HSPA4: variants seen among roughly 807,000 people sequenced by gnomAD.
HSPA4 encodes heat shock protein family A (Hsp70) member 4.
A neutral mutation model predicts 106.2 loss-of-function variants in HSPA4; 25 were observed. That is an observed-to-expected ratio of 0.24 (90% confidence interval 0.17 to 0.33). HSPA4 has a LOEUF of 0.33. Among genes scored for constraint, HSPA4 ranks in the 10% least tolerant of loss-of-function variants. The pLI is 1.00. For synonymous variants in HSPA4, 332 were observed against 333.6 expected (o/e 1.00, Z 0.05); for missense variants, 841 against 996.0 (o/e 0.84, Z 2.10).
intron 14 of HSPA4, among the ~76,000 whole-genome samples, chr5:133,096,873 C>G (rs1765719057): frequency 6.6e-6 from 1 of 152,176 alleles, no homozygotes; most frequent in Non-Finnish European, 1.5e-5. Context: ...CACTTAGTGA[C>G]ATTGAACCAA....
chr5:133,083,974 T>C (rs961417711), intron 7 of HSPA4, among the ~76,000 whole-genome samples: 26 of 152,256 alleles, frequency 1.7e-4, no homozygotes, highest in Non-Finnish European at 2.9e-5. Context: ...ATTCATTGTT[T>C]TTTGGATATA....
At position 133,097,164 on chromosome 5, in the gene HSPA4, A is replaced by G. The variant is rs1171142646; in HGVS notation, c.1807A>G (p.Lys603Glu). 8.1e-6 allele frequency: 13 copies of G among 1,607,546 alleles called. No homozygotes were observed. Among genetic ancestry groups the G allele is most frequent in the Non-Finnish European group, 1.1e-5 (13 of 1,174,572 alleles). The change falls in exon 15 of 19, where the codon AAG becomes GAG. Residue 603 changes from lysine (K) to glutamate (E), a missense_variant. Lys to Glu is a moderately conservative substitution (Grantham distance 56). Coordinates refer to ENST00000304858, the MANE Select transcript of HSPA4 (RefSeq NM_002154.4). ...TATACATAATATTTATTCTCAGGGT[A>G]AGATGATCATGCAGGATAAACTGGA... is the stretch of plus-strand genomic sequence containing the variant. Reference protein sequence around the residue: ...MLNLYIENEGKMIMQDKLEKE... With the variant: ...MLNLYIENEGEMIMQDKLEKE...
chr5:133,088,825 T>C (rs1765610534), intron 9 of HSPA4, among the ~76,000 whole-genome samples: 1 of 152,222 alleles, frequency 6.6e-6, no homozygotes, highest in South Asian at 2.1e-4. Flanking sequence ...TGAAATAGTG[T>C]ACATTAATTA....
At chr5:133,076,557 C>T (rs1419902335) in intron 6 of HSPA4, 97 bp from the exon 7 acceptor site, 4 of 1,063,336 alleles carry the variant, frequency 3.8e-6, no homozygotes, top group Admixed American at 2.5e-5. Flanking sequence ...AACCCTCCCT[C>T]TTTTTTTTTA....
At chr5:133,055,994 C>G (rs1006246348) in intron 1 of HSPA4, among the ~76,000 whole-genome samples, 1 of 152,170 alleles carries the variant, frequency 6.6e-6, no homozygotes, top group South Asian at 2.1e-4. Flanking sequence ...AGAAGAATCG[C>G]TTGAACCTGG....
At chr5:133,089,761 C>G in intron 11 of HSPA4, 66 bp downstream of exon 11, 1 of 1,290,752 alleles carries the variant, frequency 7.7e-7, no homozygotes, top group Non-Finnish European at 1.1e-6. Context: ...CAACTGTAAT[C>G]CCAACACTTT....
rs1021851547 is a variant in HSPA4 at position 133,106,316 on chromosome 5, G to A, written c.*1880G>A. ...TAATTGATGGCTTGTGTACAGACAAGCATTTATCCAGGTTGCGTTATCCAA... is the reference window on the plus strand; with the variant it reads ...TAATTGATGGCTTGTGTACAGACAAACATTTATCCAGGTTGCGTTATCCAA... On this transcript the variant is annotated 3_prime_UTR_variant, in exon 19 of 19. Transcript: ENST00000304858. The A allele has an allele frequency of 6.6e-6, 1 of 151,264 alleles. No homozygotes were observed. Among genetic ancestry groups the A allele is most frequent in the African/African-American group, 2.4e-5 (1 of 41,152 alleles). The allele number at this position is 151,264 out of a possible 1,614,324, so 9.4% of individuals were successfully genotyped here. A position where few individuals can be genotyped will look rare whatever the true frequency, so the allele number is the denominator to read the frequency against.
rs758856884 is a variant in HSPA4, at chr5:133,092,823, T to C, written c.1650+34T>C. The C allele has an allele frequency of 7.2e-3, 8,845 of 1,226,292 alleles. 140 individuals are homozygous for C. Among genetic ancestry groups the C allele is most frequent in the South Asian group, 0.017 (1,194 of 72,112 alleles). The allele number at this position is 1,226,292 out of a possible 1,614,324, so 76.0% of individuals were successfully genotyped here. A position where few individuals can be genotyped will look rare whatever the true frequency, so the allele number is the denominator to read the frequency against. On this transcript the variant is annotated intron_variant, in intron 13 of 18. Coordinates refer to ENST00000304858, the MANE Select transcript of HSPA4 (RefSeq NM_002154.4). ...TGGGTGGTGTTTTTTTTTTTTTTTTTTTTTTTTTTTTTTTTGAGACAGAGT... is the reference window on the plus strand; with the variant it reads ...TGGGTGGTGTTTTTTTTTTTTTTTTCTTTTTTTTTTTTTTTGAGACAGAGT...
chr5:133,076,918 G>T lies in HSPA4; in HGVS notation c.908+20G>T. The T allele has an allele frequency of 6.4e-7, 1 of 1,574,762 alleles. No individual in the cohort carries two copies. The highest frequency in any genetic ancestry group is 8.7e-7 in the Non-Finnish European group (1 of 1,148,774). On this transcript the variant is annotated intron_variant, in intron 7 of 18. Coordinates refer to ENST00000304858, the MANE Select transcript of HSPA4 (RefSeq NM_002154.4). ...GAATAGGTAAGTATATTACTATTTC[G>T]ATGTTAAAGTGAAGAGTGAGTTTTC... is the stretch of plus-strand genomic sequence containing the variant.
chr5:133,063,857 G>A (rs929987058), intron 1 of HSPA4, among the ~76,000 whole-genome samples: 26 of 152,102 alleles, frequency 1.7e-4, no homozygotes, highest in African/African-American at 6.0e-4. Flanking sequence ...CGACTCCTTG[G>A]TTCAAGCAAT....
intron 16 of HSPA4, among the ~76,000 whole-genome samples, chr5:133,100,755 C>G (rs1765774985): frequency 6.6e-6 from 1 of 152,170 alleles, no homozygotes; most frequent in South Asian, 2.1e-4. Flanking sequence ...TGCAGATGCA[C>G]AAGAATGAAC....
chr5:133,079,214 GT>G, intron 7 of HSPA4, among the ~76,000 whole-genome samples: 1 of 152,202 alleles, frequency 6.6e-6, no homozygotes. Context: ...TCACAGGGTT[GT>G]GCAATGGCCA....
At chr5:133,065,813 G>C (rs1297126031) in intron 2 of HSPA4, among the ~76,000 whole-genome samples, 2 of 152,166 alleles carry the variant, frequency 1.3e-5, no homozygotes, top group South Asian at 4.1e-4. Context: ...TGAATAACCA[G>C]AGCAGCAGAA....
chr5:133,074,727 A>C (rs1169690847), intron 6 of HSPA4, among the ~76,000 whole-genome samples: 3 of 152,196 alleles, frequency 2.0e-5, no homozygotes, highest in African/African-American at 7.2e-5. Context: ...ACTAGGAATT[A>C]TAGATTTCTA....
intron 1 of HSPA4, among the ~76,000 whole-genome samples, chr5:133,061,547 TA>T (rs1230012360): frequency 6.6e-6 from 1 of 152,216 alleles, no homozygotes; most frequent in Non-Finnish European, 1.5e-5. Context: ...TTAGTATTGA[TA>T]ATGTAATTCG....
At chr5:133,084,763 C>T (rs1219704939) in intron 7 of HSPA4, among the ~76,000 whole-genome samples, 2 of 152,134 alleles carry the variant, frequency 1.3e-5, no homozygotes, top group African/African-American at 4.8e-5. Flanking sequence ...AGCCACCGCA[C>T]CCAGCCTACT....
intron 5 of HSPA4, 73 bp from the exon 6 acceptor site, chr5:133,073,920 C>A: frequency 9.3e-7 from 1 of 1,075,324 alleles, no homozygotes; most frequent in Non-Finnish European, 1.3e-6. Flanking sequence ...TATATAAAAC[C>A]TCTTTTTTCC....
rs1382934025 is a variant in HSPA4, at chr5:133,105,744, ATGT to A, written c.*1313_*1315del. 6.6e-5 allele frequency: 10 copies of A among 152,184 alleles called. No homozygotes were observed. Among genetic ancestry groups the A allele is most frequent in the Admixed American group, 1.3e-4 (2 of 15,280 alleles). 9.4% of individuals were successfully genotyped at this position (152,184 alleles called of 1,614,324 possible). ...AGTGCCTCTCTGTTACTTTTGGCCT[ATGT>A]TGTTAGAAATAAGATGCTATCTTGC... On this transcript the variant is annotated 3_prime_UTR_variant, in exon 19 of 19. Transcript: ENST00000304858.
chr5:133,065,348 TATA>T (rs1379431976), intron 2 of HSPA4, among the ~76,000 whole-genome samples: 1 of 152,232 alleles, frequency 6.6e-6, no homozygotes, highest in East Asian at 1.9e-4. Context: ...TATTAGGTGT[TATA>T]AGTAATCTAG....
Sources: gnomAD v4.1 joint callset for allele counts (sites outside exome capture counted in the v4.1 genomes callset) on GRCh38, gnomAD v4.1.1 for gene constraint, MANE v1.5 for transcripts, NCBI Gene and HGNC (gene_info 2026-07-23, HGNC 2026-07-21) for gene names.